ACSBG1: variants seen among roughly 807,000 people sequenced by gnomAD.
The protein encoded by ACSBG1 is acyl-CoA synthetase bubblegum family member 1.
In ACSBG1, 39 loss-of-function variants were observed where a neutral mutation model predicts 80.2. The observed-to-expected ratio is 0.49, with a 90% CI of 0.38 to 0.64. The LOEUF (loss-of-function observed/expected upper bound fraction) is 0.64. Among genes scored for constraint, ACSBG1 ranks in the 30% least tolerant of loss-of-function variants. The pLI, the probability that ACSBG1 is intolerant of heterozygous loss-of-function variation, is 0.00. For synonymous variants in ACSBG1, 392 were observed against 379.5 expected, an observed-to-expected ratio of 1.03 and a Z score of -0.38; for missense variants, 828 against 966.4, an observed-to-expected ratio of 0.86 and a Z score of 1.90.
chr15:78,193,491 G>A lies in ACSBG1; in HGVS notation c.663+15C>T. 1 of 1,601,644 alleles carries A rather than the reference G, an allele frequency of 6.2e-7. No homozygotes were observed. Among genetic ancestry groups the A allele is most frequent in the Non-Finnish European group, 8.5e-7 (1 of 1,173,144 alleles). On this transcript the variant is annotated intron_variant, in intron 5 of 13. Transcript: ENST00000258873. ...CCCAGCATCTGACCCCATGCCCACT[G>A]CCTCTTCCCCAAACCTTCAGGATCT...
At chr15:78,194,266 T>A (rs901820697) in intron 3 of ACSBG1, among the ~76,000 whole-genome samples, 4 of 152,210 alleles carry the variant, frequency 2.6e-5, no homozygotes, top group Admixed American at 1.3e-4. Context: ...CAGCCCACCC[T>A]GAATGTGATC....
intron 5 of ACSBG1, among the ~76,000 whole-genome samples, chr15:78,183,980 G>C (rs1595883999): frequency 6.6e-6 from 1 of 151,994 alleles, no homozygotes; most frequent in East Asian, 1.9e-4. Flanking sequence ...GTTAGCCCAA[G>C]ATCAAGGAAC....
chr15:78,177,674 T>C lies in ACSBG1; in HGVS notation c.1702+940A>G, dbSNP rs945566342. ...AGGGCCCAAACGCCACCGCGACCTT[T>C]TGTCCCTCCCTGGGGTGGCCGAGCC... On this transcript the variant is annotated intron_variant, in intron 11 of 13. Transcript: ENST00000258873. This position sits in a 1 kb window ranked among gnomAD's most constrained non-coding sequence, Gnocchi z 4.1. Among the ~76,000 whole-genome samples the C allele has an allele frequency of 2.6e-5, 4 of 152,126 alleles. No individual in the cohort carries two copies. The highest frequency in any genetic ancestry group is 7.2e-5 in the African/African-American group (3 of 41,430).
At chr15:78,183,989 A>G (rs1379837596) in intron 5 of ACSBG1, among the ~76,000 whole-genome samples, 3 of 152,302 alleles carry the variant, frequency 2.0e-5, no homozygotes, top group Non-Finnish European at 2.9e-5. Context: ...AGATCAAGGA[A>G]CCAGAAGAAA....
chr15:78,217,652 T>C (rs7182497), intron 1 of ACSBG1, among the ~76,000 whole-genome samples: 83,286 of 150,960 alleles, frequency 0.55, 23,451 homozygotes, highest in African/African-American at 0.6. Context: ...CTGCAACCAC[T>C]GCCTCCTGGG....
intron 1 of ACSBG1, chr15:78,209,064 T>C (rs1004040238): frequency 7.5e-5 from 33 of 442,258 alleles, no homozygotes; most frequent in South Asian, 5.2e-4. Context: ...GGTAGGACCC[T>C]GGCTCCAGGG....
chr15:78,193,955 C>T lies in ACSBG1; in HGVS notation c.519G>A (p.Ser173=), dbSNP rs755269696. The T allele has an allele frequency of 5.5e-5, 88 of 1,613,902 alleles. No homozygotes were observed. The Admixed American group carries it at 1.3e-3, about 24-fold the overall frequency. ...LGFNSPEWFF[S]AVGTVFAGGI... is the part of the protein sequence containing the mutation. ...ACCCTGCAAATACTGTGCCCACTGC[C>T]GAGAAGAACCACTCCGGGGAGTTGA... The change falls in exon 4 of 14, where the codon TCG becomes TCA. Residue 173 remains serine (S), a synonymous_variant. Coordinates refer to ENST00000258873, the MANE Select transcript of ACSBG1 (RefSeq NM_015162.5).
rs533217194 is a variant in ACSBG1 at position 78,168,873 on chromosome 15, A to G, written c.*2571T>C. The stretch of plus-strand genomic sequence containing the variant: ...GAGGGCTTTAAAATCTCCTTGGTTT[A>G]GTTTAGTTTGCGGATACATCTTTTA... On this transcript the variant is annotated 3_prime_UTR_variant, in exon 14 of 14. Coordinates refer to ENST00000258873, the MANE Select transcript of ACSBG1 (RefSeq NM_015162.5). 4.1e-6 allele frequency: 5 copies of G among 1,212,762 alleles called. No individual in the cohort carries two copies. The highest frequency in any genetic ancestry group is 2.4e-6 in the Non-Finnish European group (2 of 823,816). 75.1% of individuals were successfully genotyped at this position (1,212,762 alleles called of 1,614,324 possible).
In ACSBG1 at chr15:78,180,750, T is replaced by C; in HGVS notation, c.1253+5A>G. ...CCAGGCCTCCCGCCCGTGGGCCCTC[T>C]GTACCTGCCGGGGCAGGTGAGGTTC... On this transcript the variant is annotated splice_donor_5th_base_variant and intron_variant, in intron 9 of 13. Coordinates refer to ENST00000258873, the MANE Select transcript of ACSBG1 (RefSeq NM_015162.5). 1 of 1,613,348 alleles carries C rather than the reference T, an allele frequency of 6.2e-7. No individual in the cohort carries two copies. The highest frequency in any genetic ancestry group is 1.1e-5 in the South Asian group (1 of 91,034).
chr15:78,223,884 CA>C (rs1401767210), intron 1 of ACSBG1, among the ~76,000 whole-genome samples: 1 of 152,088 alleles, frequency 6.6e-6, no homozygotes, highest in Admixed American at 6.6e-5. Flanking sequence ...AGAAGAGAAA[CA>C]ACGTGACCAC....
At chr15:78,220,317 C>G (rs751383150) in intron 1 of ACSBG1, among the ~76,000 whole-genome samples, 2 of 152,078 alleles carry the variant, frequency 1.3e-5, no homozygotes, top group Non-Finnish European at 2.9e-5. Flanking sequence ...ATATCACACA[C>G]AAAATTAACT....
intron 5 of ACSBG1, among the ~76,000 whole-genome samples, chr15:78,183,573 C>G (rs2074970947): frequency 6.6e-6 from 1 of 152,064 alleles, no homozygotes; most frequent in Non-Finnish European, 1.5e-5. Flanking sequence ...TCAAAACAAA[C>G]AAACAAAAAG....
intron 13 of ACSBG1, among the ~76,000 whole-genome samples, chr15:78,173,072 G>A (rs1201055705): frequency 5.3e-5 from 8 of 152,170 alleles, no homozygotes; most frequent in East Asian, 1.9e-4. Flanking sequence ...TCAGCTGGGC[G>A]CAGTGGCTCA....
At chr15:78,231,818 C>T (rs2075449292) in intron 1 of ACSBG1, among the ~76,000 whole-genome samples, 1 of 152,158 alleles carries the variant, frequency 6.6e-6, no homozygotes, top group Admixed American at 6.5e-5. Flanking sequence ...TGAACTCCTG[C>T]ACTCAAGCAA....
rs1390146691 is a variant in ACSBG1 at position 78,182,750 on chromosome 15, C to A, written c.699G>T (p.Val233=). ...TGTTTGGAGGAGGTTCTTTATATAT[C>A]ACGACTGCCTTTAGATGTGGCAACT... ...WKQLPHLKAV[V]IYKEPPPNKM... The change falls in exon 6 of 14, where the codon GTG becomes GTT. Residue 233 remains valine, a synonymous_variant. Transcript: ENST00000258873. The A allele has an allele frequency of 6.2e-7, 1 of 1,614,132 alleles. No homozygotes were observed. The highest frequency in any genetic ancestry group is 1.3e-5 in the African/African-American group (1 of 74,946).
At chr15:78,181,023 C>T in intron 8 of ACSBG1, 87 bp from the exon 9 acceptor site, 1 of 1,491,904 alleles carries the variant, frequency 6.7e-7, no homozygotes, top group Non-Finnish European at 9.1e-7. Context: ...ATGCCGGTGG[C>T]ACACACATGC....
chr15:78,171,702 T>C (rs2074825129), intron 13 of ACSBG1, 173 bp from the exon 14 acceptor site: 3 of 576,298 alleles, frequency 5.2e-6, no homozygotes, highest in Non-Finnish European at 9.4e-6. Flanking sequence ...TCATATGGCT[T>C]GTGTGTAGTC....
Position 78,177,218 on chromosome 15 carries a change from C to G in ACSBG1, c.1702+1396G>C, listed in dbSNP as rs2074890791. The stretch of plus-strand genomic sequence containing the variant: ...GAAGAAGAAGACCAAGGCTGTAGGA[C>G]TTAGCCGGATATCTATCCCTGTCAT... On this transcript the variant is annotated intron_variant, in intron 11 of 13. Coordinates refer to ENST00000258873, the MANE Select transcript of ACSBG1 (RefSeq NM_015162.5). The surrounding 1 kb of genome is among the most constrained non-coding windows in gnomAD (Gnocchi z 4.1). 6.6e-6 allele frequency among the ~76,000 whole-genome samples: 1 copy of G among 152,180 alleles called. No individual in the cohort carries two copies. Among genetic ancestry groups the G allele is most frequent in the South Asian group, 2.1e-4 (1 of 4,830 alleles).
chr15:78,192,395 A>G (rs2141345637), intron 5 of ACSBG1, among the ~76,000 whole-genome samples: 1 of 152,278 alleles, frequency 6.6e-6, no homozygotes, highest in South Asian at 2.1e-4. Context: ...CCCTGCTCAG[A>G]GGCCTTTGTA....
Sources: gnomAD v4.1 joint callset for allele counts (sites outside exome capture counted in the v4.1 genomes callset) on GRCh38, gnomAD v4.1.1 for gene constraint, Gnocchi (gnomAD v3.1) non-coding constraint, MANE v1.5 for transcripts, NCBI Gene and HGNC (gene_info 2026-07-23, HGNC 2026-07-21) for gene names.